EYA1: variants seen among roughly 807,000 people sequenced by gnomAD.
EYA1 encodes protein phosphatase EYA1.
A neutral mutation model predicts 82.0 loss-of-function variants in EYA1; 16 were observed. The observed-to-expected ratio is 0.20, with a 90% CI of 0.13 to 0.30. EYA1 has a LOEUF of 0.30. EYA1 is among the 10% of genes least tolerant of loss of function. The probability of loss-of-function intolerance (pLI) is 1.00; values close to 1 mark genes in which losing one functional copy is unlikely to be tolerated. For missense variants in EYA1, 633 were observed against 730.7 expected (o/e 0.87, Z 1.54); for synonymous variants, 261 against 264.4 (o/e 0.99, Z 0.12).
intron 17 of EYA1, among the ~76,000 whole-genome samples, chr8:71,201,934 A>G (rs1214777715): frequency 1.3e-5 from 2 of 152,138 alleles, no homozygotes; most frequent in Non-Finnish European, 2.9e-5. Context: ...AAGGGGTTAG[A>G]TAGTATTTCT....
At position 71,199,089 on chromosome 8, in the gene EYA1, C is replaced by T; in HGVS notation, c.*251G>A. ...AACCGTGTAGTTAATGTGGCAGACA[C>T]ATAACGCTGTGCTAAAACATTCTCA... On this transcript the variant is annotated 3_prime_UTR_variant, in exon 18 of 18. Coordinates refer to ENST00000340726, the MANE Select transcript of EYA1 (RefSeq NM_000503.6). 1.8e-6 allele frequency: 1 copy of T among 559,984 alleles called. No homozygotes were observed. The highest frequency in any genetic ancestry group is 2.7e-5 in the Admixed American group (1 of 37,476). 34.7% of individuals were successfully genotyped at this position (559,984 alleles called of 1,614,324 possible).
At chr8:71,485,240 AT>A (rs1181119224) in intron 2 of EYA1, among the ~76,000 whole-genome samples, 15 of 152,208 alleles carry the variant, frequency 9.9e-5, no homozygotes, top group Admixed American at 7.9e-4. Context: ...AGATTCATGT[AT>A]TTTTTTAAAC....
chr8:71,270,890 TG>T (rs1179520219), intron 10 of EYA1, among the ~76,000 whole-genome samples: 14 of 151,496 alleles, frequency 9.2e-5, no homozygotes, highest in African/African-American at 3.4e-4. Context: ...GAGGCCGAGG[TG>T]GGTGGACCAT....
At chr8:71,404,484 T>G (rs1202503956) in intron 2 of EYA1, 1 of 152,212 alleles carries the variant, frequency 6.6e-6, no homozygotes, top group African/African-American at 2.4e-5. Flanking sequence ...GGCAAATATA[T>G]TTTTACTGAA....
intron 2 of EYA1, among the ~76,000 whole-genome samples, chr8:71,433,996 G>A (rs1805820145): frequency 6.6e-6 from 1 of 152,176 alleles, no homozygotes; most frequent in Non-Finnish European, 1.5e-5. Context: ...TTGCAGCGGT[G>A]GAGTTCCAGA....
intron 2 of EYA1, among the ~76,000 whole-genome samples, chr8:71,431,228 G>C (rs900803429): frequency 6.6e-6 from 1 of 152,202 alleles, no homozygotes; most frequent in Admixed American, 6.5e-5. Context: ...TTTATATCTG[G>C]TTAGGGGAGA....
chr8:71,210,122 CAA>C (rs1418402646), intron 17 of EYA1, among the ~76,000 whole-genome samples: 3 of 152,138 alleles, frequency 2.0e-5, no homozygotes, highest in African/African-American at 7.2e-5. Flanking sequence ...AGAACTTGTT[CAA>C]AGTCACAGGA....
chr8:71,313,828 C>A (rs1391380107), intron 7 of EYA1, among the ~76,000 whole-genome samples: 1 of 152,164 alleles, frequency 6.6e-6, no homozygotes, highest in Non-Finnish European at 1.5e-5. Context: ...CATAAGTTTT[C>A]TTTAAATTAA....
chr8:71,510,721 G>A (rs572269571), intron 2 of EYA1, among the ~76,000 whole-genome samples: 2 of 152,310 alleles, frequency 1.3e-5, no homozygotes, highest in Admixed American at 1.3e-4. Context: ...ATTGGGTGTG[G>A]ACACAGAGCC....
rs192918772 is a variant in EYA1, at chr8:71,507,880, C to A, written c.33+27864G>T. ...CCCAGGTCCATTCTCAAAGGAAAATCCTTGGCCTAACCTCAAAACATTGAC... is the reference window on the plus strand; with the variant it reads ...CCCAGGTCCATTCTCAAAGGAAAATACTTGGCCTAACCTCAAAACATTGAC... On this transcript the variant is annotated intron_variant, in intron 2 of 18. Transcript: ENST00000643681. Among the ~76,000 whole-genome samples, 6 of 152,284 alleles carry A rather than the reference C, an allele frequency of 3.9e-5. No homozygotes were observed. The East Asian group carries it at 1.2e-3, about 29-fold the overall frequency.
intron 2 of EYA1, among the ~76,000 whole-genome samples, chr8:71,435,074 C>T (rs1406031121): frequency 2.0e-5 from 3 of 152,022 alleles, no homozygotes; most frequent in Non-Finnish European, 2.9e-5. Flanking sequence ...TAAGTAAGTC[C>T]ATTTGTCCAG....
At chr8:71,211,553 G>T (rs1399781925) in intron 16 of EYA1, among the ~76,000 whole-genome samples, 1 of 152,146 alleles carries the variant, frequency 6.6e-6, no homozygotes, top group Admixed American at 6.5e-5. Flanking sequence ...TTGCAATTGG[G>T]GTGGTGGGGG....
intron 9 of EYA1, among the ~76,000 whole-genome samples, chr8:71,295,867 T>C (rs1455663468): frequency 1.3e-5 from 2 of 152,050 alleles, no homozygotes; most frequent in Non-Finnish European, 2.9e-5. Flanking sequence ...AGTTGAAGAG[T>C]AGGCATGAGT....
Position 71,271,879 on chromosome 8 carries a change from C to A in EYA1, c.845G>T (p.Ser282Ile), listed in dbSNP as rs1468448384. 1.2e-6 allele frequency: 2 copies of A among 1,614,058 alleles called. No homozygotes were observed. Residue 282 changes from serine (S) to isoleucine (I), a missense_variant, in exon 10 of 18, where the codon AGC (serine) becomes ATC (isoleucine). Coordinates refer to ENST00000340726, the MANE Select transcript of EYA1 (RefSeq NM_000503.6). ...DPTAEYSTIH[S>I]PSTPIKDSDS... is the part of the protein sequence containing the mutation. ...TGAATCTTTAATGGGTGTTGATGGG[C>A]TGTGGATTGTGCTGTACTCTGCAGG...
intron 2 of EYA1, among the ~76,000 whole-genome samples, chr8:71,436,240 G>A (rs1346883907): frequency 6.6e-6 from 1 of 151,950 alleles, no homozygotes; most frequent in African/African-American, 2.4e-5. Flanking sequence ...ATATCCCATT[G>A]ACTACACAAT....
intron 2 of EYA1, among the ~76,000 whole-genome samples, chr8:71,417,576 C>T (rs978297801): frequency 1.3e-5 from 2 of 152,134 alleles, no homozygotes; most frequent in Non-Finnish European, 2.9e-5. Flanking sequence ...ATGAATAAAG[C>T]TCCTATTTAC....
At chr8:71,234,923 C>T (rs1020781090) in intron 12 of EYA1, among the ~76,000 whole-genome samples, 2 of 152,248 alleles carry the variant, frequency 1.3e-5, no homozygotes, top group South Asian at 2.1e-4. Context: ...AGCCACCCCC[C>T]AAACACACTC....
At chr8:71,208,032 G>A (rs866930505) in intron 17 of EYA1, among the ~76,000 whole-genome samples, 23 of 152,244 alleles carry the variant, frequency 1.5e-4, no homozygotes, top group South Asian at 4.1e-4. Flanking sequence ...TAATATACAT[G>A]GAAGTAATTG....
chr8:71,292,322 T>C (rs1001516670), intron 9 of EYA1, among the ~76,000 whole-genome samples: 1 of 152,098 alleles, frequency 6.6e-6, no homozygotes, highest in Non-Finnish European at 1.5e-5. Context: ...TTCCTCTATT[T>C]TGATCATAGA....
Sources: allele counts gnomAD v4.1 joint callset (sites outside exome capture counted in the v4.1 genomes callset), GRCh38; gene constraint gnomAD v4.1.1; transcripts MANE v1.5; gene names NCBI Gene and HGNC (gene_info 2026-07-23, HGNC 2026-07-21).